Variants in SBNO2 observed in about 807,000 individuals in gnomAD.
The protein encoded by SBNO2 is strawberry notch homolog 2.
In SBNO2, 89 loss-of-function variants were observed where a neutral mutation model predicts 146.3. The ratio of observed to expected loss-of-function variants is 0.61; its 90% CI spans 0.51 to 0.73. SBNO2 has a LOEUF of 0.73. Among genes scored for constraint, SBNO2 ranks in the 30% least tolerant of loss-of-function variants. SBNO2 has a pLI of 0.00. For synonymous variants in SBNO2, 1,147 were observed against 892.6 expected, an observed-to-expected ratio of 1.29 and a Z score of -5.08; for missense variants, 2,092 against 2,003.7, an observed-to-expected ratio of 1.04 and a Z score of -0.84.
rs544402921 is a variant in SBNO2, at chr19:1,157,232, T to A, written c.-126-2830A>T. ...TTGCAGCAGCTGTGACCACGCCATGTCTCTGGGGCATCCAGCTGCCCCAAT... is the reference window on the plus strand; with the variant it reads ...TTGCAGCAGCTGTGACCACGCCATGACTCTGGGGCATCCAGCTGCCCCAAT... On this transcript the variant is annotated intron_variant, in intron 1 of 31. Coordinates refer to ENST00000361757, the MANE Select transcript of SBNO2 (RefSeq NM_014963.3). This position sits in a 1 kb window ranked among gnomAD's most constrained non-coding sequence, Gnocchi z 6.8. 2.0e-5 allele frequency among the ~76,000 whole-genome samples: 3 copies of A among 151,876 alleles called. No individual in the cohort carries two copies. In the East Asian group the frequency reaches 5.9e-4, roughly 30 times the overall value.
Position 1,112,789 on chromosome 19 carries a change from G to A in SBNO2, c.2379+29C>T, listed in dbSNP as rs780603083. On this transcript the variant is annotated intron_variant, in intron 20 of 31. Coordinates refer to ENST00000361757, the MANE Select transcript of SBNO2 (RefSeq NM_014963.3). This position sits in a 1 kb window ranked among gnomAD's most constrained non-coding sequence, Gnocchi z 5.9. ...CCTCTGTGCCTCTTGGGTCCCGTGGGCCGCGCCCAGTGCACTGCAGCCCCG... is the reference window on the plus strand; with the variant it reads ...CCTCTGTGCCTCTTGGGTCCCGTGGACCGCGCCCAGTGCACTGCAGCCCCG... 2.3e-5 allele frequency: 35 copies of A among 1,544,460 alleles called. No homozygotes were observed. In the Middle Eastern group the frequency reaches 1.1e-3, roughly 48 times the overall value.
chr19:1,149,607 G>A (rs868661689), intron 2 of SBNO2, among the ~76,000 whole-genome samples, 165 bp from the exon 3 acceptor site: 20 of 152,292 alleles, frequency 1.3e-4, no homozygotes, highest in Non-Finnish European at 2.1e-4. Flanking sequence ...TAACTGCCCC[G>A]TGCCTCAGTT....
At chr19:1,114,164 G>A in intron 18 of SBNO2, 67 bp downstream of exon 18, 1 of 1,333,788 alleles carries the variant, frequency 7.5e-7, no homozygotes, top group Non-Finnish European at 9.8e-7. Context: ...CTGACCCAGA[G>A]GTGGCTGCTC....
At chr19:1,146,885 A>G (rs994096628) in intron 4 of SBNO2, among the ~76,000 whole-genome samples, 2 of 151,836 alleles carry the variant, frequency 1.3e-5, no homozygotes, top group African/African-American at 4.8e-5. Context: ...AGGAGGTGGA[A>G]AGTTCTGTTC....
chr19:1,152,272 T>A (rs1438146318), intron 2 of SBNO2, among the ~76,000 whole-genome samples: 1 of 152,232 alleles, frequency 6.6e-6, no homozygotes, highest in African/African-American at 2.4e-5. Context: ...ATGGCTCCTC[T>A]GTCTCCACAT....
intron 1 of SBNO2, among the ~76,000 whole-genome samples, chr19:1,166,617 GCA>G (rs71932539): frequency 0.01 from 1,396 of 136,370 alleles, 23 homozygotes; most frequent in African/African-American, 0.03. Context: ...AACTGCACGC[GCA>G]CACACACACA....
intron 1 of SBNO2, among the ~76,000 whole-genome samples, chr19:1,172,821 C>T (rs1165006645): frequency 7.1e-6 from 1 of 140,264 alleles, no homozygotes; most frequent in Non-Finnish European, 1.5e-5. Flanking sequence ...TCAGCACAGG[C>T]CAGCTCCGAG....
In SBNO2 at chr19:1,114,394, G is replaced by A. The variant is rs1210648249; in HGVS notation, c.1914C>T (p.Ala638=). The A allele has an allele frequency of 2.6e-6, 4 of 1,548,522 alleles. No individual in the cohort carries two copies. The highest frequency in any genetic ancestry group is 2.4e-5 in the East Asian group (1 of 41,206). The change falls in exon 18 of 32, where the codon GCC becomes GCT. Residue 638 remains alanine (A), a synonymous_variant. Coordinates refer to ENST00000361757, the MANE Select transcript of SBNO2 (RefSeq NM_014963.3). ...KRRPRGRGAK[A]PRLACETAGV... is the part of the protein sequence containing the mutation. ...CCGCTGTCTCGCACGCCAGCCGGGG[G>A]GCTTTGGCCCCGCGTCCCCGAGGTC...
intron 5 of SBNO2, among the ~76,000 whole-genome samples, chr19:1,125,408 C>A (rs369075425): frequency 7.4e-5 from 11 of 147,926 alleles, no homozygotes; most frequent in African/African-American, 2.8e-4. Context: ...TGGTGGCTCA[C>A]GCCTGTAATC....
At position 1,123,593 on chromosome 19, in the gene SBNO2, T is replaced by TC; in HGVS notation, c.568dup (p.Glu190GlyfsTer151). The TC allele has an allele frequency of 6.2e-7, 1 of 1,613,440 alleles. No individual in the cohort carries two copies. The highest frequency in any genetic ancestry group is 8.5e-7 in the Non-Finnish European group (1 of 1,179,748). On this transcript the variant is annotated frameshift_variant, in exon 7 of 32. Coordinates refer to ENST00000361757, the MANE Select transcript of SBNO2 (RefSeq NM_014963.3). LOFTEE classifies it high-confidence loss of function. ...GTGCCCCAGCTCCTCCGCCTCCTCCTCCTCAGCCTCGTCCTCCTCCTCTGG... is the reference window on the plus strand; with the variant it reads ...GTGCCCCAGCTCCTCCGCCTCCTCCTCCCTCAGCCTCGTCCTCCTCCTCTGG...
At chr19:1,168,727 G>A (rs2145358946) in intron 1 of SBNO2, 1 of 152,362 alleles carries the variant, frequency 6.6e-6, no homozygotes, top group East Asian at 1.9e-4. Flanking sequence ...CCTCACTCCA[G>A]GCTGGACGGG....
Position 1,149,459 on chromosome 19 carries a change from G to GC in SBNO2, c.94-18dup, listed in dbSNP as rs775674937. ...CATGGCGCTCTAGAAGAGACAGCGG[G>GC]CATCAGTGAGTGGGAAGCAGAGGAC... On this transcript the variant is annotated splice_polypyrimidine_tract_variant and intron_variant, in intron 2 of 31. Coordinates refer to ENST00000361757, the MANE Select transcript of SBNO2 (RefSeq NM_014963.3). 5 of 1,549,740 alleles carry GC rather than the reference G, an allele frequency of 3.2e-6. No individual in the cohort carries two copies. The highest frequency in any genetic ancestry group is 4.4e-6 in the Non-Finnish European group (5 of 1,146,300).
rs1454370901 is a variant in SBNO2, at chr19:1,136,244, G to C, written c.280-8479C>G. 6.6e-6 allele frequency among the ~76,000 whole-genome samples: 1 copy of C among 152,178 alleles called. No homozygotes were observed. The highest frequency in any genetic ancestry group is 2.4e-5 in the African/African-American group (1 of 41,456). On this transcript the variant is annotated intron_variant, in intron 4 of 31. Transcript: ENST00000361757. This position sits in a 1 kb window ranked among gnomAD's most constrained non-coding sequence, Gnocchi z 4.2. ...CTTCCAGGCTCCAGGGCTGGGAGGGGACAGAGTCCTGGCCTTTGAAGCTGT... is the reference window on the plus strand; with the variant it reads ...CTTCCAGGCTCCAGGGCTGGGAGGGCACAGAGTCCTGGCCTTTGAAGCTGT...
In SBNO2 at chr19:1,112,267, T is replaced by C. The variant is rs770258586; in HGVS notation, c.2550A>G (p.Pro850=). Reference sequence around the variant, plus strand: ...GCTCCGAGATGAGGAAGACATACTCTGGCGCGGAGACCTGGTTGGACCGGT... The same window carrying C: ...GCTCCGAGATGAGGAAGACATACTCCGGCGCGGAGACCTGGTTGGACCGGT... ...RTHRSNQVSA[P]EYVFLISELA... is the part of the protein sequence containing the mutation. The change falls in exon 22 of 32, where the codon CCA becomes CCG. Residue 850 remains proline, a synonymous_variant. Transcript: ENST00000361757. This position sits in a 1 kb window ranked among gnomAD's most constrained non-coding sequence, Gnocchi z 5.9. 1.3e-5 allele frequency: 21 copies of C among 1,591,578 alleles called. No homozygotes were observed. The highest frequency in any genetic ancestry group is 1.7e-5 in the Non-Finnish European group (20 of 1,169,790).
chr19:1,139,326 G>A (rs766214527), intron 4 of SBNO2, among the ~76,000 whole-genome samples: 16 of 152,154 alleles, frequency 1.1e-4, no homozygotes, highest in African/African-American at 2.4e-4. Flanking sequence ...CGTGGGCGCC[G>A]GGGCAGGGGA....
At chr19:1,163,915 C>G (rs1418574820) in intron 1 of SBNO2, among the ~76,000 whole-genome samples, 2 of 152,188 alleles carry the variant, frequency 1.3e-5, no homozygotes, top group Non-Finnish European at 2.9e-5. Context: ...AGCCTCACCG[C>G]CCCATACCCC....
chr19:1,122,930 A>T lies in SBNO2; in HGVS notation c.744T>A (p.Ser248=). Reference sequence around the variant, plus strand: ...AGGTGATGGCCTCTAGCTGCAGGGCAGACAGGGCCCCGCTGTCCGAGGGCA... The same window carrying T: ...AGGTGATGGCCTCTAGCTGCAGGGCTGACAGGGCCCCGCTGTCCGAGGGCA... ...LALPSDSGAL[S]ALQLEAITYA... is the part of the protein sequence containing the mutation. The change falls in exon 8 of 32, where the codon TCT becomes TCA. Residue 248 remains serine, a synonymous_variant. Coordinates refer to ENST00000361757, the MANE Select transcript of SBNO2 (RefSeq NM_014963.3). The T allele has an allele frequency of 6.4e-7, 1 of 1,557,298 alleles. No homozygotes were observed. Among genetic ancestry groups the T allele is most frequent in the Non-Finnish European group, 8.7e-7 (1 of 1,151,162 alleles).
chr19:1,123,829 C>A (rs1458829494), intron 6 of SBNO2, 113 bp downstream of exon 6: 1 of 1,227,258 alleles, frequency 8.1e-7, no homozygotes, highest in African/African-American at 1.5e-5. Flanking sequence ...AATGGGCACT[C>A]CCAGCTTCTA....
chr19:1,141,087 C>T lies in SBNO2; in HGVS notation c.279+6222G>A, dbSNP rs369189284. Among the ~76,000 whole-genome samples, 9 of 151,546 alleles carry T rather than the reference C, an allele frequency of 5.9e-5. No individual in the cohort carries two copies. The East Asian group carries it at 7.8e-4, about 13-fold the overall frequency. On this transcript the variant is annotated intron_variant, in intron 4 of 31. Transcript: ENST00000361757. Reference sequence around the variant, plus strand: ...GAGGCGCCCCGGAGAAGAGGCACTCCGGAGAAGACGCGCCCCGGAGAACAC... The same window carrying T: ...GAGGCGCCCCGGAGAAGAGGCACTCTGGAGAAGACGCGCCCCGGAGAACAC...
Sources: gnomAD v4.1 joint callset for allele counts (sites outside exome capture counted in the v4.1 genomes callset) on GRCh38, gnomAD v4.1.1 for gene constraint, Gnocchi (gnomAD v3.1) non-coding constraint, MANE v1.5 for transcripts, NCBI Gene and HGNC (gene_info 2026-07-23, HGNC 2026-07-21) for gene names.